CUX2: variants seen among roughly 807,000 people sequenced by gnomAD.
The protein encoded by CUX2 is homeobox protein cut-like 2.
In CUX2, 40 loss-of-function variants were observed where a neutral mutation model predicts 144.8. The observed-to-expected ratio is 0.28, with a 90% CI of 0.21 to 0.36. The LOEUF (loss-of-function observed/expected upper bound fraction) is 0.36. Ranked by LOEUF, CUX2 falls within the 10% of genes least tolerant of loss-of-function variation. The pLI, the probability that CUX2 is intolerant of heterozygous loss-of-function variation, is 1.00. For missense variants in CUX2, 1,615 were observed against 1,994.0 expected, an observed-to-expected ratio of 0.81 and a Z score of 3.62; for synonymous variants, 827 against 875.6, an observed-to-expected ratio of 0.94 and a Z score of 0.98.
At chr12:111,105,600 T>C (rs1873554120) in intron 1 of CUX2, among the ~76,000 whole-genome samples, 1 of 152,200 alleles carries the variant, frequency 6.6e-6, no homozygotes, top group Non-Finnish European at 1.5e-5. Context: ...TTGCTTCCTC[T>C]CCAGCTGCCT....
At chr12:111,247,927 C>T (rs942004338) in intron 3 of CUX2, among the ~76,000 whole-genome samples, 1 of 152,182 alleles carries the variant, frequency 6.6e-6, no homozygotes, top group African/African-American at 2.4e-5. Context: ...GTTTTTGAGA[C>T]AGAGTCTCTT....
At chr12:111,227,468 G>A (rs1382207889) in intron 3 of CUX2, among the ~76,000 whole-genome samples, 1 of 152,152 alleles carries the variant, frequency 6.6e-6, no homozygotes, top group Non-Finnish European at 1.5e-5. Context: ...ACTTGATGCA[G>A]AGTAAAGAGG....
At chr12:111,344,724 G>A (rs1183539795) in intron 21 of CUX2, among the ~76,000 whole-genome samples, 1 of 152,004 alleles carries the variant, frequency 6.6e-6, no homozygotes, top group Non-Finnish European at 1.5e-5. Context: ...CCAGGCCCAG[G>A]ATCCTGGGAT....
rs1217768431 is a variant in CUX2, at chr12:111,183,557, G to A, written c.64-30643G>A. 6.6e-5 allele frequency among the ~76,000 whole-genome samples: 10 copies of A among 152,198 alleles called. No individual in the cohort carries two copies. In the East Asian group the frequency reaches 1.7e-3, roughly 26 times the overall value. On this transcript the variant is annotated intron_variant, in intron 1 of 21. Coordinates refer to ENST00000261726, the MANE Select transcript of CUX2 (RefSeq NM_015267.4). ...AGCCAGGATAGCATGGGGGTTAAAC[G>A]CTCAAACCCTAAAGTCAACAGACCT...
rs185435618 is a variant in CUX2, at chr12:111,166,846, C to T, written c.64-47354C>T. 3.1e-3 allele frequency among the ~76,000 whole-genome samples: 476 copies of T among 152,222 alleles called. 3 individuals are homozygous for T. The highest frequency in any genetic ancestry group is 0.011 in the African/African-American group (436 of 41,518). On this transcript the variant is annotated intron_variant, in intron 1 of 21. Coordinates refer to ENST00000261726, the MANE Select transcript of CUX2 (RefSeq NM_015267.4). ...AGCAACCGTCCAACTTTCTGGGACG[C>T]GTGCCGGCCGCATTCTGATTGGCGA...
intron 3 of CUX2, among the ~76,000 whole-genome samples, chr12:111,236,574 G>A (rs751766516): frequency 1.6e-4 from 25 of 152,286 alleles, no homozygotes; most frequent in Non-Finnish European, 2.8e-4. Context: ...TCTGAACCCC[G>A]TGCCCTGGGG....
At chr12:111,272,256 T>TA (rs1447315674) in intron 4 of CUX2, among the ~76,000 whole-genome samples, 1 of 151,992 alleles carries the variant, frequency 6.6e-6, no homozygotes, top group East Asian at 1.9e-4. Flanking sequence ...CTACAGGAAA[T>TA]AGAGATTTTC....
At chr12:111,270,437 C>A (rs1007455877) in intron 4 of CUX2, 1 of 151,984 alleles carries the variant, frequency 6.6e-6, no homozygotes, top group Non-Finnish European at 1.5e-5. Flanking sequence ...ATATTGTTCA[C>A]ACAGATGTGG....
At chr12:111,179,524 G>T (rs1267541390) in intron 1 of CUX2, among the ~76,000 whole-genome samples, 1 of 152,184 alleles carries the variant, frequency 6.6e-6, no homozygotes, top group African/African-American at 2.4e-5. Flanking sequence ...TGGTGGTGTT[G>T]AGAGGATTGA....
At chr12:111,206,024 G>A (rs1880902420) in intron 1 of CUX2, among the ~76,000 whole-genome samples, 1 of 152,218 alleles carries the variant, frequency 6.6e-6, no homozygotes, top group Admixed American at 6.5e-5. Context: ...TTAAGGAGAA[G>A]AAAACTCAAG....
At chr12:111,202,910 C>T (rs980687398) in intron 1 of CUX2, among the ~76,000 whole-genome samples, 1 of 152,056 alleles carries the variant, frequency 6.6e-6, no homozygotes, top group East Asian at 1.9e-4. Context: ...GCAAAGGCTC[C>T]GAGACAGAAA....
At chr12:111,218,147 C>T (rs1881652159) in intron 3 of CUX2, among the ~76,000 whole-genome samples, 2 of 152,144 alleles carry the variant, frequency 1.3e-5, no homozygotes, top group African/African-American at 4.8e-5. Context: ...TGACAGAATT[C>T]AAGTCTGATC....
chr12:111,332,720 C>T (rs1173975358), intron 18 of CUX2, among the ~76,000 whole-genome samples: 4 of 152,142 alleles, frequency 2.6e-5, no homozygotes, highest in African/African-American at 4.8e-5. Flanking sequence ...TTGCCATAAT[C>T]GTGCTCTTTC....
intron 18 of CUX2, among the ~76,000 whole-genome samples, chr12:111,330,770 G>C (rs1888091649): frequency 9.6e-6 from 1 of 104,436 alleles, no homozygotes; most frequent in African/African-American, 3.2e-5. Flanking sequence ...GGGATCATAG[G>C]CATAAAGCAC....
rs115654834 is a variant in CUX2 at position 111,076,653 on chromosome 12, G to A, written c.63+42413G>A. On this transcript the variant is annotated intron_variant, in intron 1 of 21. Transcript: ENST00000261726. ...CCCTTCTCTCCATCACTCAGCAGAC[G>A]GGCTAGCCTCCTCCCAGGTTCCAGT... Among the ~76,000 whole-genome samples, 506 of 152,294 alleles carry A rather than the reference G, an allele frequency of 3.3e-3. 4 individuals carry two copies. Among genetic ancestry groups the A allele is most frequent in the African/African-American group, 0.012 (487 of 41,564 alleles).
intron 19 of CUX2, among the ~76,000 whole-genome samples, chr12:111,335,169 T>A (rs950463477): frequency 7.9e-5 from 12 of 152,136 alleles, no homozygotes; most frequent in African/African-American, 2.7e-4. Context: ...GGCAGGTGGA[T>A]CATCTGAGGT....
At position 111,293,622 on chromosome 12, in the gene CUX2, T is replaced by G; in HGVS notation, c.560+53T>G. On this transcript the variant is annotated intron_variant, in intron 6 of 21. Coordinates refer to ENST00000261726, the MANE Select transcript of CUX2 (RefSeq NM_015267.4). This position sits in a 1 kb window ranked among gnomAD's most constrained non-coding sequence, Gnocchi z 4.5. ...AGGAAGGAATGGGCAGGGCTCCTGC[T>G]GCCCCACCTGGCTGGGTCGTGGACG... 1 of 1,538,404 alleles carries G rather than the reference T, an allele frequency of 6.5e-7. No homozygotes were observed.
rs1374960545 is a variant in CUX2, at chr12:111,312,430, G to A, written c.2002+229G>A. Among the ~76,000 whole-genome samples, 1 of 152,212 alleles carries A rather than the reference G, an allele frequency of 6.6e-6. No homozygotes were observed. The highest frequency in any genetic ancestry group is 1.5e-5 in the Non-Finnish European group (1 of 68,032). On this transcript the variant is annotated intron_variant, in intron 16 of 21. Coordinates refer to ENST00000261726, the MANE Select transcript of CUX2 (RefSeq NM_015267.4). The surrounding 1 kb of genome is among the most constrained non-coding windows in gnomAD (Gnocchi z 4.3). Reference sequence around the variant, plus strand: ...AAATCTCAACCCTTGGCCAGGCGCAGTGGCTCATGCCTGTAATCCCAGCAC... The same window carrying A: ...AAATCTCAACCCTTGGCCAGGCGCAATGGCTCATGCCTGTAATCCCAGCAC...
Position 111,349,332 on chromosome 12 carries a change from CA to C in CUX2, c.*1008del, listed in dbSNP as rs1361730910. The C allele has an allele frequency of 6.6e-6, 1 of 152,172 alleles. No homozygotes were observed. Among genetic ancestry groups the C allele is most frequent in the Non-Finnish European group, 1.5e-5 (1 of 68,056 alleles). 9.4% of individuals were successfully genotyped at this position (152,172 alleles called of 1,614,324 possible). A position where few individuals can be genotyped will look rare whatever the true frequency, so the allele number is the denominator to read the frequency against. Reference sequence around the variant, plus strand: ...CCCACTTGTAGGAGTGTGGGTATTCCAGAGCAAGACTGTGGCCACCATCTTC... The same window carrying C: ...CCCACTTGTAGGAGTGTGGGTATTCCGAGCAAGACTGTGGCCACCATCTTC... On this transcript the variant is annotated 3_prime_UTR_variant, in exon 22 of 22. Transcript: ENST00000261726.
Sources: allele counts gnomAD v4.1 joint callset (sites outside exome capture counted in the v4.1 genomes callset), GRCh38; gene constraint gnomAD v4.1.1; non-coding constraint Gnocchi (gnomAD v3.1); transcripts MANE v1.5; gene names NCBI Gene and HGNC (gene_info 2026-07-23, HGNC 2026-07-21).